CMSS1: variants seen among roughly 807,000 people sequenced by gnomAD.
CMSS1 encodes protein CMSS1.
A neutral mutation model predicts 43.5 loss-of-function variants in CMSS1; 33 were observed. That is an observed-to-expected ratio of 0.76 (90% CI 0.57 to 1.01). The LOEUF (loss-of-function observed/expected upper bound fraction) is 1.01. Ranked by LOEUF, CMSS1 falls within the 50% of genes least tolerant of loss-of-function variation. The pLI, the probability that CMSS1 is intolerant of heterozygous loss-of-function variation, is 0.00. For missense variants in CMSS1, 313 were observed against 326.4 expected (o/e 0.96, Z 0.32); for synonymous variants, 115 against 117.2 (o/e 0.98, Z 0.12).
In CMSS1 at chr3:100,062,093, C is replaced by CTTTTT. The variant is rs71907944; in HGVS notation, c.65-84848_65-84844dup. ...CCACTTGTGGTTATCCTGTCTTCTT[C>CTTTTT]TTTTTTTTTTTTTTTTTTTTTTTTT... On this transcript the variant is annotated intron_variant, in intron 1 of 9. Coordinates refer to ENST00000421999, the MANE Select transcript of CMSS1 (RefSeq NM_032359.4). Among the ~76,000 whole-genome samples, 34 of 53,182 alleles carry CTTTTT rather than the reference C, an allele frequency of 6.4e-4. 9 individuals carry two copies. The highest frequency in any genetic ancestry group is 2.1e-3 in the African/African-American group (24 of 11,244). 34.9% of individuals were successfully genotyped at this position (53,182 alleles called of 152,430 possible).
chr3:100,163,368 T>C (rs994153272), intron 4 of CMSS1, among the ~76,000 whole-genome samples: 1 of 152,226 alleles, frequency 6.6e-6, no homozygotes, highest in African/African-American at 2.4e-5. Flanking sequence ...GCCAGACTCT[T>C]TCAAGCAAAC....
rs1020246705 is a variant in CMSS1 at position 99,853,066 on chromosome 3, C to T, written c.64+35023C>T. Among the ~76,000 whole-genome samples, 12 of 152,192 alleles carry T rather than the reference C, an allele frequency of 7.9e-5. No individual in the cohort carries two copies. The East Asian group carries it at 1.5e-3, about 20-fold the overall frequency. The stretch of plus-strand genomic sequence containing the variant: ...AAAAGGCTTGCCCATGGTTTCTGGC[C>T]ATGCCCCATCCCTATCTGAGACACA... On this transcript the variant is annotated intron_variant, in intron 1 of 9. Coordinates refer to ENST00000421999, the MANE Select transcript of CMSS1 (RefSeq NM_032359.4).
intron 1 of CMSS1, among the ~76,000 whole-genome samples, chr3:99,917,930 G>C (rs925200345): frequency 2.6e-5 from 4 of 152,054 alleles, no homozygotes; most frequent in Non-Finnish European, 4.4e-5. Flanking sequence ...AAGAGACACA[G>C]AAATCATAAT....
At chr3:99,993,867 T>C (rs1047041646) in intron 1 of CMSS1, among the ~76,000 whole-genome samples, 4 of 152,192 alleles carry the variant, frequency 2.6e-5, no homozygotes, top group African/African-American at 9.6e-5. Context: ...ACTGGTTGAT[T>C]TTATTTACTA....
intron 1 of CMSS1, among the ~76,000 whole-genome samples, chr3:100,012,576 A>G (rs1454760273): frequency 6.6e-6 from 1 of 152,046 alleles, no homozygotes; most frequent in Non-Finnish European, 1.5e-5. Context: ...GAGAGGTTCT[A>G]GTGCTTCAGG....
Position 99,827,691 on chromosome 3 carries a change from G to A in CMSS1, c.64+9648G>A, listed in dbSNP as rs541359122. 3.9e-5 allele frequency among the ~76,000 whole-genome samples: 6 copies of A among 151,972 alleles called. No homozygotes were observed. In the South Asian group the frequency reaches 6.2e-4, roughly 16 times the overall value. On this transcript the variant is annotated intron_variant, in intron 1 of 9. Transcript: ENST00000421999. The stretch of plus-strand genomic sequence containing the variant: ...GCAATCTCGGCTCACTGCAACCTCC[G>A]CCTCCCAGGTTCAAGCAGATTCTTC...
At chr3:99,998,501 G>A (rs970176362) in intron 1 of CMSS1, among the ~76,000 whole-genome samples, 3 of 152,156 alleles carry the variant, frequency 2.0e-5, no homozygotes, top group East Asian at 1.9e-4. Context: ...AGGGAAGTAG[G>A]GAAGTAGGAC....
chr3:100,156,219 G>T (rs994662964), intron 2 of CMSS1, among the ~76,000 whole-genome samples: 3 of 151,796 alleles, frequency 2.0e-5, no homozygotes, highest in African/African-American at 7.2e-5. Flanking sequence ...TGAACTCCTG[G>T]GCTCAAGAGG....
At chr3:99,971,272 G>A (rs192274475) in intron 1 of CMSS1, among the ~76,000 whole-genome samples, 32 of 151,840 alleles carry the variant, frequency 2.1e-4, no homozygotes, top group African/African-American at 2.9e-4. Context: ...CCCGGGGCGC[G>A]GAGCTTGCAG....
At chr3:99,925,565 T>G (rs1707265372) in intron 1 of CMSS1, among the ~76,000 whole-genome samples, 1 of 147,564 alleles carries the variant, frequency 6.8e-6, no homozygotes, top group Admixed American at 7.0e-5. Flanking sequence ...TGTGGGACAC[T>G]TCCAGCAGTA....
intron 1 of CMSS1, among the ~76,000 whole-genome samples, chr3:99,865,499 A>C (rs958634761): frequency 1.3e-5 from 2 of 152,178 alleles, no homozygotes; most frequent in Non-Finnish European, 2.9e-5. Context: ...TTGAGCCTTG[A>C]TCTTGAGACA....
chr3:99,917,427 A>G (rs1209131881), intron 1 of CMSS1, among the ~76,000 whole-genome samples: 1 of 152,218 alleles, frequency 6.6e-6, no homozygotes, highest in East Asian at 1.9e-4. Flanking sequence ...GATATTCTCT[A>G]GAATATCATC....
chr3:100,137,303 T>G (rs1335088016), intron 1 of CMSS1, among the ~76,000 whole-genome samples: 1 of 152,146 alleles, frequency 6.6e-6, no homozygotes. Flanking sequence ...AATATAGAAC[T>G]TCCCCCACAA....
chr3:99,864,406 T>G (rs1352497513), intron 1 of CMSS1, among the ~76,000 whole-genome samples: 1 of 152,172 alleles, frequency 6.6e-6, no homozygotes, highest in African/African-American at 2.4e-5. Context: ...CTAAGTATTA[T>G]TATTCTCATT....
intron 1 of CMSS1, among the ~76,000 whole-genome samples, chr3:99,912,630 A>G (rs960623789): frequency 1.3e-5 from 2 of 152,130 alleles, no homozygotes; most frequent in African/African-American, 4.8e-5. Flanking sequence ...CACCTGCCTC[A>G]GCCTCCCAAA....
intron 6 of CMSS1, among the ~76,000 whole-genome samples, chr3:100,170,059 A>G (rs993814643): frequency 2.9e-4 from 44 of 152,356 alleles, no homozygotes; most frequent in African/African-American, 1.1e-3. Flanking sequence ...CTATTCATAA[A>G]GACTAATATT....
At chr3:99,914,530 C>A (rs887869500) in intron 1 of CMSS1, among the ~76,000 whole-genome samples, 1 of 152,108 alleles carries the variant, frequency 6.6e-6, no homozygotes, top group Non-Finnish European at 1.5e-5. Context: ...CTCTTTACAA[C>A]ATCATATCAT....
intron 1 of CMSS1, among the ~76,000 whole-genome samples, chr3:99,956,636 C>T (rs566306572): frequency 3.3e-5 from 5 of 152,196 alleles, no homozygotes; most frequent in African/African-American, 1.2e-4. Context: ...CGTGAGCCCC[C>T]GCGCCCAGCC....
intron 1 of CMSS1, among the ~76,000 whole-genome samples, chr3:100,017,096 T>G (rs1710367024): frequency 6.6e-6 from 1 of 152,266 alleles, no homozygotes; most frequent in African/African-American, 2.4e-5. Context: ...CACCTCATTT[T>G]GATATTTTTC....
Sources: allele counts gnomAD v4.1 joint callset (sites outside exome capture counted in the v4.1 genomes callset), GRCh38; gene constraint gnomAD v4.1.1; transcripts MANE v1.5; gene names NCBI Gene and HGNC (gene_info 2026-07-23, HGNC 2026-07-21).